PDSS2: variants seen among roughly 807,000 people sequenced by gnomAD.
PDSS2 encodes the protein all trans-polyprenyl-diphosphate synthase PDSS2.
Under a neutral mutation model 44.5 loss-of-function variants are expected in PDSS2, and 31 were observed. The ratio of observed to expected loss-of-function variants is 0.70; its 90% CI spans 0.52 to 0.94. PDSS2 has a LOEUF of 0.94. PDSS2 is among the 40% of genes least tolerant of loss of function. The probability of loss-of-function intolerance (pLI) is 0.00; values close to 1 mark genes in which losing one functional copy is unlikely to be tolerated. For missense variants in PDSS2, 452 were observed against 482.2 expected (o/e 0.94, Z 0.59); for synonymous variants, 157 against 180.3 (o/e 0.87, Z 1.03).
intron 4 of PDSS2, 124 bp from the exon 5 acceptor site, chr6:107,212,406 C>A: frequency 1.3e-6 from 1 of 754,220 alleles, no homozygotes; most frequent in South Asian, 1.9e-5. Context: ...TGGAACAAGA[C>A]AGAACTAAAA....
At chr6:107,264,394 T>C in intron 3 of PDSS2, 1 of 1,547,568 alleles carries the variant, frequency 6.5e-7, no homozygotes, top group Non-Finnish European at 8.7e-7. Context: ...CACTAATGCT[T>C]AATAGAACAA....
At chr6:107,253,487 C>T (rs1582850216) in intron 3 of PDSS2, among the ~76,000 whole-genome samples, 1 of 152,246 alleles carries the variant, frequency 6.6e-6, no homozygotes, top group East Asian at 1.9e-4. Flanking sequence ...AGATAAAGGC[C>T]ATTTATTGGT....
intron 1 of PDSS2, among the ~76,000 whole-genome samples, chr6:107,378,076 T>C (rs1779344319): frequency 1.3e-5 from 2 of 148,544 alleles, no homozygotes; most frequent in Admixed American, 1.3e-4. Flanking sequence ...TAAATAAATA[T>C]ATTACAATTA....
chr6:107,290,951 CAG>C (rs1776325349), intron 2 of PDSS2, among the ~76,000 whole-genome samples: 1 of 150,112 alleles, frequency 6.7e-6, no homozygotes, highest in South Asian at 2.1e-4. Context: ...GACGGAGAAA[CAG>C]AGAAAAGCAA....
chr6:107,389,335 GA>G lies in PDSS2; in HGVS notation c.297-55004del, dbSNP rs929328337. ...ACATAATATCTCTGAGAATATGGGG[GA>G]AAAAAAGGAGTGGACCTAAATAACT... On this transcript the variant is annotated intron_variant, in intron 1 of 7. Transcript: ENST00000369037. Among the ~76,000 whole-genome samples the G allele has an allele frequency of 3.2e-4, 49 of 151,986 alleles. 1 individual carries two copies. The highest frequency in any genetic ancestry group is 3.4e-3 in the Middle Eastern group (1 of 294).
At chr6:107,261,219 C>A (rs1017328869) in intron 3 of PDSS2, among the ~76,000 whole-genome samples, 1 of 152,196 alleles carries the variant, frequency 6.6e-6, no homozygotes, top group Non-Finnish European at 1.5e-5. Context: ...CTCTTTCTGT[C>A]CCTTCCCAAA....
intron 1 of PDSS2, among the ~76,000 whole-genome samples, chr6:107,433,536 TAAG>T (rs1357007665): frequency 1.3e-5 from 2 of 152,174 alleles, no homozygotes; most frequent in Admixed American, 6.5e-5. Context: ...GTCTCTTCAA[TAAG>T]TAGTGCTGGG....
chr6:107,276,114 C>CAAAA (rs57590944), intron 2 of PDSS2, among the ~76,000 whole-genome samples: 7 of 90,126 alleles, frequency 7.8e-5, no homozygotes, highest in Admixed American at 1.5e-4. Context: ...GACCCTATCT[C>CAAAA]AAAAAAAAGG....
At chr6:107,288,909 C>T (rs1776251510) in intron 2 of PDSS2, among the ~76,000 whole-genome samples, 1 of 150,894 alleles carries the variant, frequency 6.6e-6, no homozygotes, top group South Asian at 2.1e-4. Context: ...CACGTGTCCG[C>T]CACCAAGCCC....
At chr6:107,406,103 G>C (rs1780312168) in intron 1 of PDSS2, among the ~76,000 whole-genome samples, 1 of 152,004 alleles carries the variant, frequency 6.6e-6, no homozygotes. Context: ...ATCTATCTCA[G>C]CTTTATCAAT....
intron 4 of PDSS2, among the ~76,000 whole-genome samples, chr6:107,220,843 T>G (rs962489377): frequency 2.0e-5 from 3 of 152,170 alleles, no homozygotes; most frequent in African/African-American, 4.8e-5. Context: ...ATGAGTTTGG[T>G]TACTAATGAA....
intron 1 of PDSS2, among the ~76,000 whole-genome samples, chr6:107,426,694 G>A (rs936162464): frequency 6.6e-6 from 1 of 152,186 alleles, no homozygotes; most frequent in African/African-American, 2.4e-5. Context: ...CCCACCCTTT[G>A]CATCAGCGTG....
At chr6:107,347,855 T>C (rs917325514) in intron 1 of PDSS2, among the ~76,000 whole-genome samples, 2 of 152,146 alleles carry the variant, frequency 1.3e-5, no homozygotes, top group Non-Finnish European at 2.9e-5. Context: ...ATTAAAACAA[T>C]TAATTTTTAA....
chr6:107,154,943 T>C (rs1770830557), intron 7 of PDSS2, among the ~76,000 whole-genome samples, 166 bp from the exon 8 acceptor site: 1 of 152,170 alleles, frequency 6.6e-6, no homozygotes, highest in Non-Finnish European at 1.5e-5. Context: ...TTCCCAGTGA[T>C]CTTGAGGCAC....
chr6:107,423,462 T>C (rs1221383077), intron 1 of PDSS2, among the ~76,000 whole-genome samples: 1 of 152,178 alleles, frequency 6.6e-6, no homozygotes, highest in Admixed American at 6.5e-5. Context: ...TATTTGATAG[T>C]CTGTGGTAAG....
chr6:107,170,591 G>A (rs1367160420), intron 7 of PDSS2, among the ~76,000 whole-genome samples: 21 of 142,344 alleles, frequency 1.5e-4, no homozygotes, highest in Admixed American at 1.1e-3. Flanking sequence ...GTTCTTATTC[G>A]GCCATCTTGG....
intron 3 of PDSS2, among the ~76,000 whole-genome samples, chr6:107,269,855 C>T (rs1421429268): frequency 3.3e-5 from 5 of 151,984 alleles, no homozygotes; most frequent in South Asian, 2.1e-4. Context: ...TCAGTAGAGA[C>T]GGGGTTTCAC....
chr6:107,396,814 G>A (rs1468474760), intron 1 of PDSS2, among the ~76,000 whole-genome samples: 1 of 150,474 alleles, frequency 6.6e-6, no homozygotes, highest in Non-Finnish European at 1.5e-5. Context: ...TCAGCCTCCT[G>A]AGTAGCTAAA....
At chr6:107,167,876 C>T (rs535338930) in intron 7 of PDSS2, among the ~76,000 whole-genome samples, 1 of 152,208 alleles carries the variant, frequency 6.6e-6, no homozygotes, top group East Asian at 1.9e-4. Context: ...TTTATATTTG[C>T]TGAGGAGTGC....
Sources: gnomAD v4.1 joint callset for allele counts (sites outside exome capture counted in the v4.1 genomes callset) on GRCh38, gnomAD v4.1.1 for gene constraint, MANE v1.5 for transcripts, NCBI Gene and HGNC (gene_info 2026-07-23, HGNC 2026-07-21) for gene names.